CORIN: variants seen among roughly 807,000 people sequenced by gnomAD.
CORIN encodes the protein corin, serine peptidase, also known as atrial natriuretic peptide-converting enzyme.
A neutral mutation model predicts 125.3 loss-of-function variants in CORIN; 117 were observed. The observed-to-expected ratio is 0.93, with a 90% CI of 0.80 to 1.09. The LOEUF (loss-of-function observed/expected upper bound fraction) is 1.09, where lower values mean the gene tolerates loss of function less well. Among genes scored for constraint, CORIN ranks in the 50% least tolerant of loss-of-function variants. The pLI, the probability that CORIN is intolerant of heterozygous loss-of-function variation, is 0.00. For missense variants in CORIN, 1,253 were observed against 1,306.7 expected (o/e 0.96, Z 0.63); for synonymous variants, 450 against 466.4 (o/e 0.96, Z 0.45).
chr4:47,779,145 T>G (rs918602218), intron 3 of CORIN, among the ~76,000 whole-genome samples: 1 of 152,202 alleles, frequency 6.6e-6, no homozygotes, highest in Admixed American at 6.5e-5. Context: ...CATTTCAAGA[T>G]ATTATTTATG....
chr4:47,762,999 C>G (rs1393364979), intron 4 of CORIN, among the ~76,000 whole-genome samples: 1 of 152,044 alleles, frequency 6.6e-6, no homozygotes, highest in Non-Finnish European at 1.5e-5. Context: ...GAACTGTATC[C>G]CCGTATCATG....
intron 6 of CORIN, among the ~76,000 whole-genome samples, chr4:47,684,328 G>A (rs1310380431): frequency 6.6e-6 from 1 of 152,154 alleles, no homozygotes; most frequent in Non-Finnish European, 1.5e-5. Flanking sequence ...GTTTCATAAT[G>A]CAATCCTCAA....
In CORIN at chr4:47,674,431, C is replaced by A. The variant is rs759147055; in HGVS notation, c.1319G>T (p.Ser440Ile). ...YNPCLDSCGGSSLCDPNNSLN... is the reference protein window; with the variant it reads ...YNPCLDSCGGISLCDPNNSLN... ...ACTGTTGTTCGGGTCACAGAGAGAG[C>A]TACCACCACATGAATCAAGGCAGGG... is the stretch of plus-strand genomic sequence containing the variant. Residue 440 changes from serine (S) to isoleucine (I), a missense_variant, in exon 10 of 22, where the codon AGC (serine) becomes ATC (isoleucine). Ser to Ile is a moderately radical substitution (Grantham distance 142). Transcript: ENST00000273857. The A allele has an allele frequency of 6.2e-7, 1 of 1,613,796 alleles. No homozygotes were observed. The highest frequency in any genetic ancestry group is 8.5e-7 in the Non-Finnish European group (1 of 1,179,846).
intron 2 of CORIN, among the ~76,000 whole-genome samples, chr4:47,806,204 C>T (rs1414772995): frequency 6.6e-6 from 1 of 151,904 alleles, no homozygotes; most frequent in Non-Finnish European, 1.5e-5. Context: ...CTTAAGTCTC[C>T]TCCTTAGAAC....
intron 6 of CORIN, among the ~76,000 whole-genome samples, chr4:47,692,658 C>G (rs1018673023): frequency 6.6e-6 from 1 of 151,862 alleles, no homozygotes. Flanking sequence ...AAAAATTGAC[C>G]TTTATACTCA....
rs1385464857 is a variant in CORIN at position 47,594,267 on chromosome 4, A to ATG, written c.*1452_*1453dup. 1 of 152,556 alleles carries ATG rather than the reference A, an allele frequency of 6.6e-6. No individual in the cohort carries two copies. Among genetic ancestry groups the ATG allele is most frequent in the Non-Finnish European group, 1.5e-5 (1 of 68,004 alleles). The allele number at this position is 152,556 out of a possible 1,614,324, so 9.5% of individuals were successfully genotyped here. ...TGCTACAACTTTTTGAATTTCAACT[A>ATG]TGTTTACACACAGAAAAGATACAAA... On this transcript the variant is annotated 3_prime_UTR_variant, in exon 22 of 22. Transcript: ENST00000273857.
Position 47,829,936 on chromosome 4 carries a change from G to C in CORIN, c.63+7951C>G, listed in dbSNP as rs554316239. ...GGATCTAAAAGGTTAACTGACTTCT[G>C]TAAAATCTCAGCAACCTAATACCAA... On this transcript the variant is annotated intron_variant, in intron 1 of 21. Coordinates refer to ENST00000273857, the MANE Select transcript of CORIN (RefSeq NM_006587.4). 5.3e-5 allele frequency among the ~76,000 whole-genome samples: 8 copies of C among 152,276 alleles called. 1 individual carries two copies. In the South Asian group the frequency reaches 1.7e-3, roughly 32 times the overall value.
At chr4:47,836,458 C>T (rs1733416745) in intron 1 of CORIN, among the ~76,000 whole-genome samples, 1 of 152,228 alleles carries the variant, frequency 6.6e-6, no homozygotes, top group African/African-American at 2.4e-5. Flanking sequence ...CACCCCCTTT[C>T]TGGTAGCGGT....
chr4:47,683,511 T>A, intron 7 of CORIN: 1 of 415,266 alleles, frequency 2.4e-6, no homozygotes, highest in Non-Finnish European at 4.3e-6. Flanking sequence ...CCATCCCACT[T>A]CTTAAACATT....
At chr4:47,758,105 G>A (rs909367515) in intron 4 of CORIN, among the ~76,000 whole-genome samples, 5 of 151,438 alleles carry the variant, frequency 3.3e-5, no homozygotes, top group African/African-American at 7.3e-5. Context: ...TAGTAGAGAC[G>A]GGGTTTCACC....
intron 16 of CORIN, chr4:47,632,544 C>T (rs1722846453): frequency 6.6e-6 from 1 of 152,130 alleles, no homozygotes; most frequent in Non-Finnish European, 1.5e-5. Flanking sequence ...TCAAACAAAA[C>T]ATGAATGAAC....
At chr4:47,611,106 A>G (rs1386441856) in intron 19 of CORIN, among the ~76,000 whole-genome samples, 1 of 152,128 alleles carries the variant, frequency 6.6e-6, no homozygotes, top group African/African-American at 2.4e-5. Context: ...ATGAATTTTA[A>G]AATAGTTTTT....
chr4:47,697,929 G>A (rs189030267), intron 5 of CORIN, among the ~76,000 whole-genome samples: 222 of 151,918 alleles, frequency 1.5e-3, no homozygotes, highest in African/African-American at 5.1e-3. Context: ...AGGAACTGGA[G>A]ATATAACACA....
At chr4:47,821,183 C>T (rs1732495191) in intron 1 of CORIN, among the ~76,000 whole-genome samples, 1 of 151,506 alleles carries the variant, frequency 6.6e-6, no homozygotes, top group Non-Finnish European at 1.5e-5. Flanking sequence ...TTCAGTGAGC[C>T]AAGATCATGC....
intron 4 of CORIN, 144 bp from the exon 5 acceptor site, chr4:47,744,727 C>A: frequency 2.9e-6 from 2 of 697,170 alleles, no homozygotes; most frequent in Non-Finnish European, 2.2e-6. Context: ...TTTTTACATT[C>A]AGTCCTATGA....
At chr4:47,835,479 G>T (rs1386363953) in intron 1 of CORIN, among the ~76,000 whole-genome samples, 6 of 152,202 alleles carry the variant, frequency 3.9e-5, no homozygotes, top group Non-Finnish European at 8.8e-5. Flanking sequence ...TCTTTGTGTT[G>T]AAAGAGGCTA....
In CORIN at chr4:47,623,751, A is replaced by C. The variant is rs777952463; in HGVS notation, c.2366-6T>G. 6.2e-7 allele frequency: 1 copy of C among 1,613,994 alleles called. No individual in the cohort carries two copies. Among genetic ancestry groups the C allele is most frequent in the Non-Finnish European group, 8.5e-7 (1 of 1,179,980 alleles). ...AGCAGGGCGGCGCCCACAGTCTACC[A>C]AGGAGCAGAAGACACAGTTTGTGAG... On this transcript the variant is annotated splice_region_variant and splice_polypyrimidine_tract_variant and intron_variant, in intron 18 of 21. Coordinates refer to ENST00000273857, the MANE Select transcript of CORIN (RefSeq NM_006587.4).
At chr4:47,807,370 AACCTT>A (rs1731843020) in intron 1 of CORIN, among the ~76,000 whole-genome samples, 1 of 152,226 alleles carries the variant, frequency 6.6e-6, no homozygotes, top group South Asian at 2.1e-4. Flanking sequence ...ACCATGGCAA[AACCTT>A]ACCCTGGCCC....
chr4:47,822,197 A>G (rs1483908495), intron 1 of CORIN, among the ~76,000 whole-genome samples: 1 of 152,254 alleles, frequency 6.6e-6, no homozygotes, highest in Non-Finnish European at 1.5e-5. Flanking sequence ...AATTTAAAAC[A>G]CACATGTTTA....
Sources: allele counts gnomAD v4.1 joint callset (sites outside exome capture counted in the v4.1 genomes callset), GRCh38; gene constraint gnomAD v4.1.1; transcripts MANE v1.5; gene names NCBI Gene and HGNC (gene_info 2026-07-23, HGNC 2026-07-21).